The following EPB41L3 variants were observed in gnomAD, a reference collection of about 807,000 sequenced individuals.
The protein encoded by EPB41L3 is erythrocyte membrane protein band 4.1 like 3, also known as band 4.1-like protein 3.
A neutral mutation model predicts 127.1 loss-of-function variants in EPB41L3; 57 were observed. The observed-to-expected ratio is 0.45, with a 90% CI of 0.36 to 0.56. EPB41L3 has a LOEUF of 0.56. Ranked by LOEUF, EPB41L3 falls within the 20% of genes least tolerant of loss-of-function variation. The pLI, the probability that EPB41L3 is intolerant of heterozygous loss-of-function variation, is 0.00. For missense variants in EPB41L3, 1,273 were observed against 1,372.2 expected, an observed-to-expected ratio of 0.93 and a Z score of 1.14; for synonymous variants, 572 against 549.5, an observed-to-expected ratio of 1.04 and a Z score of -0.57.
Position 5,615,484 on chromosome 18 carries a change from A to G in EPB41L3, c.-467-1061T>C, listed in dbSNP as rs148557889. The stretch of plus-strand genomic sequence containing the variant: ...GCTAATGGGTACAAAAAAACTACTT[A>G]GAATGAGTAAGACCTACTATTTGAG... On this transcript the variant is annotated intron_variant, in intron 1 of 21. Coordinates refer to the EPB41L3 transcript ENST00000545076. Among the ~76,000 whole-genome samples the G allele has an allele frequency of 1.1e-4, 17 of 152,344 alleles. No homozygotes were observed. The East Asian group carries it at 3.1e-3, about 28-fold the overall frequency.
In EPB41L3 at chr18:5,456,134, A is replaced by G. The variant is rs1242393902; in HGVS notation, c.382-10890T>C. On this transcript the variant is annotated intron_variant, in intron 3 of 22. Coordinates refer to ENST00000341928, the MANE Select transcript of EPB41L3 (RefSeq NM_012307.5). Reference sequence around the variant, plus strand: ...CAACTCAAATATAGACAATAAAAACACCACTTTCAATAATATGAATTTAAT... The same window carrying G: ...CAACTCAAATATAGACAATAAAAACGCCACTTTCAATAATATGAATTTAAT... Among the ~76,000 whole-genome samples the G allele has an allele frequency of 2.0e-5, 3 of 152,196 alleles. No individual in the cohort carries two copies. In the South Asian group the frequency reaches 6.2e-4, roughly 32 times the overall value.
chr18:5,546,553 A>G (rs2093884845), upstream of EPB41L3, among the ~76,000 whole-genome samples: 1 of 152,164 alleles, frequency 6.6e-6, no homozygotes, highest in Non-Finnish European at 1.5e-5. Context: ...ACAAACAAAC[A>G]AACAAAACCC....
chr18:5,506,544 C>G (rs1183150944), intron 1 of EPB41L3, among the ~76,000 whole-genome samples: 2 of 152,176 alleles, frequency 1.3e-5, no homozygotes, highest in South Asian at 4.1e-4. Flanking sequence ...TTCCTGCCCC[C>G]TTTTCTCCCT....
chr18:5,565,712 T>C (rs978091965), intron 3 of EPB41L3, among the ~76,000 whole-genome samples: 2 of 145,282 alleles, frequency 1.4e-5, no homozygotes, highest in African/African-American at 2.6e-5. Flanking sequence ...AGTGAGAACA[T>C]GCAGTGTTTG....
rs2093632508 is a variant in EPB41L3 at position 5,538,445 on chromosome 18, C to T, written c.-12+5468G>A. ...TGGCTGAGAGCCATGTAAGACATAT[C>T]CCAATTTCAGAGATGTTAAATGTGA... On this transcript the variant is annotated intron_variant, in intron 1 of 22. Transcript: ENST00000341928. 2.0e-5 allele frequency among the ~76,000 whole-genome samples: 3 copies of T among 152,180 alleles called. No individual in the cohort carries two copies. The South Asian group carries it at 6.2e-4, about 31-fold the overall frequency.
intron 3 of EPB41L3, chr18:5,610,247 G>C: frequency 2.0e-6 from 2 of 985,344 alleles, no homozygotes; most frequent in Non-Finnish European, 2.4e-6. Flanking sequence ...GCAAAAAAGA[G>C]AGAGAAAAAA....
chr18:5,601,864 T>A (rs757113387), intron 3 of EPB41L3, among the ~76,000 whole-genome samples: 37 of 152,310 alleles, frequency 2.4e-4, no homozygotes, highest in Non-Finnish European at 4.6e-4. Context: ...TCCATTATCA[T>A]AAATGATTTA....
At chr18:5,549,739 A>AC (rs2093937827) in intron 3 of EPB41L3, among the ~76,000 whole-genome samples, 1 of 152,130 alleles carries the variant, frequency 6.6e-6, no homozygotes. Context: ...GGTGATTATA[A>AC]ATCACACCAA....
intron 3 of EPB41L3, among the ~76,000 whole-genome samples, chr18:5,600,883 C>CA (rs1445048218): frequency 6.6e-6 from 1 of 152,118 alleles, no homozygotes; most frequent in Non-Finnish European, 1.5e-5. Flanking sequence ...GTGTAAAAGG[C>CA]ATGGAAGATA....
At chr18:5,544,123 G>T, upstream of EPB41L3, 1 of 985,524 alleles carries the variant, frequency 1.0e-6, no homozygotes, top group Non-Finnish European at 1.2e-6. Flanking sequence ...TGCGAGGAAA[G>T]CCAACCTCGT....
intron 3 of EPB41L3, among the ~76,000 whole-genome samples, chr18:5,457,380 C>CT (rs1211131311): frequency 4.0e-5 from 6 of 151,576 alleles, no homozygotes; most frequent in Non-Finnish European, 8.8e-5. Context: ...TGCTCCCCTG[C>CT]TTTTTTGGAA....
At chr18:5,540,622 G>C in intron 1 of EPB41L3, 1 of 853,198 alleles carries the variant, frequency 1.2e-6, no homozygotes, top group African/African-American at 1.8e-5. Context: ...CTAGCCGTTT[G>C]AAAGAAATAG....
chr18:5,505,914 C>A (rs1832152731), intron 1 of EPB41L3, among the ~76,000 whole-genome samples: 1 of 150,708 alleles, frequency 6.6e-6, no homozygotes, highest in African/African-American at 2.4e-5. Flanking sequence ...TCACCTCCAT[C>A]CCCACCCTCC....
rs772407788 is a variant in EPB41L3, at chr18:5,419,789, C to A, written c.1428G>T (p.Glu476Asp). ...TTVTPEKKAE[E>D]ERDEEEDKRR... ...GTTTGTCCTCTTCCTCGTCCCGCTC[C>A]TCCTCAGCCTTCTTCTCCGGAGTCA... The change falls in exon 12 of 23, where the codon GAG becomes GAT. Residue 476 changes from glutamate (E) to aspartate (D), a missense_variant. Physicochemically the swap from Glu to Asp is conservative, Grantham distance 45. Transcript: ENST00000341928. The A allele has an allele frequency of 1.2e-6, 2 of 1,614,114 alleles. No homozygotes were observed. Among genetic ancestry groups the A allele is most frequent in the East Asian group, 4.5e-5 (2 of 44,890 alleles).
At chr18:5,485,567 G>A (rs2089605016) in intron 2 of EPB41L3, among the ~76,000 whole-genome samples, 2 of 151,968 alleles carry the variant, frequency 1.3e-5, no homozygotes, top group Non-Finnish European at 2.9e-5. Flanking sequence ...CTTGTTCACA[G>A]AAGACATAAT....
At chr18:5,591,974 T>A (rs996249708) in intron 3 of EPB41L3, among the ~76,000 whole-genome samples, 1 of 152,162 alleles carries the variant, frequency 6.6e-6, no homozygotes, top group Non-Finnish European at 1.5e-5. Context: ...AAAGAAACTC[T>A]AAGCTAAGCA....
intron 12 of EPB41L3, among the ~76,000 whole-genome samples, chr18:5,418,461 T>G (rs1031853952): frequency 2.0e-5 from 3 of 152,214 alleles, no homozygotes; most frequent in African/African-American, 7.2e-5. Context: ...GTTTATAAAA[T>G]GTTAGAATAA....
upstream of EPB41L3, among the ~76,000 whole-genome samples, chr18:5,546,401 G>A (rs1477774454): frequency 6.6e-6 from 1 of 151,864 alleles, no homozygotes; most frequent in Non-Finnish European, 1.5e-5. Flanking sequence ...CATAGTGGTG[G>A]GCGCCTGTAA....
chr18:5,470,958 T>C (rs2086031068), intron 3 of EPB41L3, among the ~76,000 whole-genome samples: 1 of 152,148 alleles, frequency 6.6e-6, no homozygotes, highest in African/African-American at 2.4e-5. Context: ...AGGAATGCCT[T>C]GGACTAAAGT....
Sources: gnomAD v4.1 joint callset for allele counts (sites outside exome capture counted in the v4.1 genomes callset) on GRCh38, gnomAD v4.1.1 for gene constraint, MANE v1.5 for transcripts, NCBI Gene and HGNC (gene_info 2026-07-23, HGNC 2026-07-21) for gene names.